The following BTBD9 variants were observed in gnomAD, a reference collection of about 807,000 sequenced individuals.
The protein encoded by BTBD9 is BTB/POZ domain-containing protein 9.
A neutral mutation model predicts 64.3 loss-of-function variants in BTBD9; 49 were observed. That is an observed-to-expected ratio of 0.76 (90% CI 0.61 to 0.97). BTBD9 has a LOEUF of 0.97. Among genes scored for constraint, BTBD9 ranks in the 50% least tolerant of loss-of-function variants. The pLI, the probability that BTBD9 is intolerant of heterozygous loss-of-function variation, is 0.00. For missense variants in BTBD9, 598 were observed against 762.1 expected, an observed-to-expected ratio of 0.78 and a Z score of 2.53; for synonymous variants, 260 against 274.7, an observed-to-expected ratio of 0.95 and a Z score of 0.53.
chr6:38,378,459 G>A (rs907076931), intron 6 of BTBD9, among the ~76,000 whole-genome samples: 4 of 151,264 alleles, frequency 2.6e-5, no homozygotes, highest in African/African-American at 9.7e-5. Flanking sequence ...GGCCAGGCTG[G>A]TCCTGACCTC....
chr6:38,581,236 C>T (rs1415547224), intron 4 of BTBD9, among the ~76,000 whole-genome samples: 1 of 152,090 alleles, frequency 6.6e-6, no homozygotes. Flanking sequence ...TGTAAGATGA[C>T]CTGTACCTGC....
At chr6:38,486,856 AC>A (rs1182899681) in intron 6 of BTBD9, among the ~76,000 whole-genome samples, 2 of 152,238 alleles carry the variant, frequency 1.3e-5, no homozygotes, top group Non-Finnish European at 2.9e-5. Flanking sequence ...AAAACAAAAT[AC>A]CACAGTATCT....
chr6:38,413,267 T>G (rs989193100), intron 6 of BTBD9, among the ~76,000 whole-genome samples: 1 of 152,214 alleles, frequency 6.6e-6, no homozygotes, highest in South Asian at 2.1e-4. Flanking sequence ...GTGGGTGGCA[T>G]GCGAGCTGGA....
chr6:38,318,504 G>A (rs574058802), intron 7 of BTBD9, among the ~76,000 whole-genome samples: 1 of 152,196 alleles, frequency 6.6e-6, no homozygotes, highest in East Asian at 1.9e-4. Context: ...CAGTAATGCT[G>A]TAGTTCTTAT....
intron 9 of BTBD9, among the ~76,000 whole-genome samples, chr6:38,255,859 T>C (rs149290297): frequency 5.9e-4 from 89 of 152,106 alleles, no homozygotes; most frequent in African/African-American, 2.0e-3. Context: ...AGGTGGGAAT[T>C]GAACAATGAG....
chr6:38,273,178 T>A (rs1176164273), intron 8 of BTBD9, among the ~76,000 whole-genome samples: 2 of 152,230 alleles, frequency 1.3e-5, no homozygotes, highest in Non-Finnish European at 2.9e-5. Context: ...TGTCCCTTTG[T>A]CAACATCCAA....
In BTBD9 at chr6:38,172,655, C is replaced by T. The variant is rs191978775; in HGVS notation, c.*2330G>A. The T allele has an allele frequency of 1.3e-3, 197 of 152,466 alleles. 1 individual carries two copies. The highest frequency in any genetic ancestry group is 2.8e-3 in the Admixed American group (43 of 15,312). The allele number at this position is 152,466 out of a possible 1,614,324, so 9.4% of individuals were successfully genotyped here. ...CTTTGCCATCAGTCCTCACCAATGA[C>T]ATCTACTGTTAGTGCCACCCCATCG... On this transcript the variant is annotated 3_prime_UTR_variant, in exon 11 of 11. Coordinates refer to ENST00000481247, the MANE Select transcript of BTBD9 (RefSeq NM_001099272.2).
intron 7 of BTBD9, among the ~76,000 whole-genome samples, chr6:38,333,643 G>C (rs867026460): frequency 1.3e-5 from 2 of 152,198 alleles, no homozygotes; most frequent in Non-Finnish European, 2.9e-5. Context: ...GTAAATAAGT[G>C]CCTGTTTTCC....
chr6:38,602,040 AGTT>A (rs1158479938), intron 1 of BTBD9, among the ~76,000 whole-genome samples: 1 of 152,172 alleles, frequency 6.6e-6, no homozygotes, highest in Non-Finnish European at 1.5e-5. Flanking sequence ...CAAAGACATA[AGTT>A]GTTTGGGGAT....
At chr6:38,511,971 C>G (rs1012395850) in intron 6 of BTBD9, among the ~76,000 whole-genome samples, 2 of 151,986 alleles carry the variant, frequency 1.3e-5, no homozygotes, top group African/African-American at 4.8e-5. Context: ...AAACCTACCA[C>G]TATTTTTCCC....
chr6:38,478,072 G>A (rs907485812), intron 6 of BTBD9, among the ~76,000 whole-genome samples: 1 of 152,174 alleles, frequency 6.6e-6, no homozygotes, highest in African/African-American at 2.4e-5. Flanking sequence ...CAAAAAGCAT[G>A]TGTGAGTGCC....
chr6:38,515,780 T>C (rs1008208356), intron 6 of BTBD9, among the ~76,000 whole-genome samples: 5 of 152,218 alleles, frequency 3.3e-5, no homozygotes, highest in Admixed American at 6.5e-5. Context: ...CTAAGCTCTC[T>C]CTCTTCTTAG....
chr6:38,250,276 T>C (rs1444688284), intron 9 of BTBD9, among the ~76,000 whole-genome samples: 1 of 152,232 alleles, frequency 6.6e-6, no homozygotes, highest in Non-Finnish European at 1.5e-5. Context: ...AAACAATCTG[T>C]TCAAAATCAA....
At chr6:38,531,197 TAAAG>T (rs1295419426) in intron 6 of BTBD9, among the ~76,000 whole-genome samples, 1 of 152,036 alleles carries the variant, frequency 6.6e-6, no homozygotes, top group Non-Finnish European at 1.5e-5. Context: ...AGGTCTAGGA[TAAAG>T]AAAGAAACAA....
At chr6:38,229,024 C>A (rs1763509561) in intron 9 of BTBD9, among the ~76,000 whole-genome samples, 1 of 151,986 alleles carries the variant, frequency 6.6e-6, no homozygotes, top group South Asian at 2.1e-4. Flanking sequence ...TAGTGAAACC[C>A]CGTCTCTACT....
chr6:38,438,222 G>T (rs1048742257), intron 6 of BTBD9, among the ~76,000 whole-genome samples: 1 of 65,146 alleles, frequency 1.5e-5, no homozygotes, highest in African/African-American at 7.7e-5. Flanking sequence ...GAGGGAGGGA[G>T]GGAGGGAGGG....
intron 1 of BTBD9, among the ~76,000 whole-genome samples, chr6:38,631,746 C>T (rs1335611737): frequency 6.6e-6 from 1 of 152,210 alleles, no homozygotes; most frequent in East Asian, 1.9e-4. Flanking sequence ...TGGTCAAAAG[C>T]TTGATTGCAA....
intron 6 of BTBD9, among the ~76,000 whole-genome samples, chr6:38,550,502 G>C (rs986389879): frequency 6.6e-6 from 1 of 151,888 alleles, no homozygotes; most frequent in Non-Finnish European, 1.5e-5. Flanking sequence ...ATTTTTAGTA[G>C]AGATGGTGTT....
In BTBD9 at chr6:38,319,663, G is replaced by T. The variant is rs1405462367; in HGVS notation, c.1264+25321C>A. 4.6e-5 allele frequency among the ~76,000 whole-genome samples: 7 copies of T among 151,818 alleles called. No individual in the cohort carries two copies. In the South Asian group the frequency reaches 6.3e-4, roughly 14 times the overall value. On this transcript the variant is annotated intron_variant, in intron 7 of 10. Transcript: ENST00000481247. ...TACTGTGGATGAGCTGGTATTCAAG[G>T]TGCAAAACAAAGTCCTCTTTACTCT... is the stretch of plus-strand genomic sequence containing the variant.
Sources: allele counts gnomAD v4.1 joint callset (sites outside exome capture counted in the v4.1 genomes callset), GRCh38; gene constraint gnomAD v4.1.1; transcripts MANE v1.5; gene names NCBI Gene and HGNC (gene_info 2026-07-23, HGNC 2026-07-21).